Variants in CYP11A1 observed in about 807,000 individuals in gnomAD.
CYP11A1 encodes cholesterol side-chain cleavage enzyme, mitochondrial.
CYP11A1 carries 25 observed loss-of-function variants against 51.9 expected under a neutral mutation model. That is an observed-to-expected ratio of 0.48 (90% CI 0.35 to 0.67). CYP11A1 has a LOEUF of 0.67. Ranked by LOEUF, CYP11A1 falls within the 30% of genes least tolerant of loss-of-function variation. The pLI is 0.00. For missense variants in CYP11A1, 578 were observed against 680.9 expected, an observed-to-expected ratio of 0.85 and a Z score of 1.68; for synonymous variants, 245 against 262.1, an observed-to-expected ratio of 0.93 and a Z score of 0.63.
chr15:74,362,888 T>C (rs1045800368), intron 1 of CYP11A1: 2 of 152,204 alleles, frequency 1.3e-5, no homozygotes, highest in Non-Finnish European at 1.5e-5. Context: ...GAAACTTTAA[T>C]GGTAGATGTG....
At chr15:74,338,808 C>G in intron 7 of CYP11A1, 40 bp from the exon 8 acceptor site, 4 of 1,583,790 alleles carry the variant, frequency 2.5e-6, no homozygotes, top group Non-Finnish European at 8.7e-7. Flanking sequence ...AGCCCCACTT[C>G]CCCACAGCCC....
intron 1 of CYP11A1, chr15:74,366,119 C>G (rs2060731812): frequency 7.1e-6 from 7 of 985,468 alleles, no homozygotes; most frequent in Non-Finnish European, 7.2e-6. Context: ...AGCGCAGGAG[C>G]AGGCCGGGGG....
chr15:74,338,242 C>A, intron 8 of CYP11A1, 139 bp from the exon 9 acceptor site: 14 of 987,192 alleles, frequency 1.4e-5, no homozygotes, highest in Non-Finnish European at 1.9e-5. Context: ...CCTGGTGTAA[C>A]CCTGCACAGT....
At chr15:74,361,024 A>G (rs146226791) in intron 1 of CYP11A1, among the ~76,000 whole-genome samples, 6 of 152,342 alleles carry the variant, frequency 3.9e-5, no homozygotes, top group Admixed American at 2.6e-4. Context: ...GAAGGTTACA[A>G]AAGGTTTTTG....
rs2060627146 is a variant in CYP11A1 at position 74,345,160 on chromosome 15, A to G, written c.509T>C (p.Leu170Pro). The G allele has an allele frequency of 1.2e-6, 2 of 1,613,882 alleles. No individual in the cohort carries two copies. Among genetic ancestry groups the G allele is most frequent in the Admixed American group, 1.7e-5 (1 of 60,006 alleles). The change falls in exon 3 of 9, where the codon CTG becomes CCG. Residue 170 changes from leucine to proline, a missense_variant. Leu to Pro is a moderately conservative substitution (Grantham distance 98). Coordinates refer to ENST00000268053, the MANE Select transcript of CYP11A1 (RefSeq NM_000781.3). This position sits in a 1 kb window ranked among gnomAD's most constrained non-coding sequence, Gnocchi z 4.3. ...GAAGTCCCGAGACACTGCATCCAAC[A>G]GGGGCAAAAAGTTCTTGGTGGCCTC... ...APEATKNFLP[L>P]LDAVSRDFVS...
intron 1 of CYP11A1, among the ~76,000 whole-genome samples, chr15:74,365,186 T>G (rs2060726560): frequency 6.6e-6 from 1 of 150,718 alleles, no homozygotes; most frequent in Non-Finnish European, 1.5e-5. Context: ...GCCACCTCCG[T>G]TCCCTCTCAA....
Position 74,366,465 on chromosome 15 carries a change from TTTA to T in CYP11A1, c.269+849_269+851del, listed in dbSNP as rs1338458477. Among the ~76,000 whole-genome samples, 9 of 22,034 alleles carry T rather than the reference TTTA, an allele frequency of 4.1e-4. No individual in the cohort carries two copies. In the Admixed American group the frequency reaches 6.0e-3, roughly 15 times the overall value. 14.5% of individuals were successfully genotyped at this position (22,034 alleles called of 152,430 possible). A position where few individuals can be genotyped will look rare whatever the true frequency, so the allele number is the denominator to read the frequency against. On this transcript the variant is annotated intron_variant, in intron 1 of 8. Transcript: ENST00000268053. ...TGCCCGGCTAATTTTTTTTATTTTA[TTTA>T]TTTATTTATTTATTTATTTATTTAT...
intron 1 of CYP11A1, chr15:74,361,579 A>C (rs549586327): frequency 1.8e-5 from 17 of 929,722 alleles, no homozygotes; most frequent in African/African-American, 3.3e-5. Flanking sequence ...GTTCTTTGAC[A>C]TCGCAGTCAC....
At chr15:74,354,107 A>T (rs970743584) in intron 1 of CYP11A1, among the ~76,000 whole-genome samples, 2 of 152,194 alleles carry the variant, frequency 1.3e-5, no homozygotes, top group African/African-American at 4.8e-5. Flanking sequence ...GTTTGCATAC[A>T]GTCAAGCAGG....
At chr15:74,343,626 C>T (rs1268792897) in intron 4 of CYP11A1, among the ~76,000 whole-genome samples, 163 bp downstream of exon 4, 2 of 152,240 alleles carry the variant, frequency 1.3e-5, no homozygotes, top group East Asian at 1.9e-4. Context: ...GCCTTCCATC[C>T]GCCATTTCCA....
In CYP11A1 at chr15:74,337,799, A is replaced by T; in HGVS notation, c.*173T>A. 1.3e-6 allele frequency: 1 copy of T among 767,576 alleles called. No homozygotes were observed. The highest frequency in any genetic ancestry group is 2.1e-5 in the Admixed American group (1 of 48,124). 47.5% of individuals were successfully genotyped at this position (767,576 alleles called of 1,614,324 possible). ...GTTTATTGTCTCCATGGGGTGGGTG[A>T]AGAGGAGTGGCCCAGCTGAGCTGAG... On this transcript the variant is annotated 3_prime_UTR_variant, in exon 9 of 9. Coordinates refer to ENST00000268053, the MANE Select transcript of CYP11A1 (RefSeq NM_000781.3).
At chr15:74,339,428 G>GGGACCCGA in intron 6 of CYP11A1, 113 bp from the exon 7 acceptor site, 1 of 1,398,126 alleles carries the variant, frequency 7.2e-7, no homozygotes, top group Admixed American at 1.8e-5. Context: ...GGGGGGACCT[G>GGGACCCGA]GGGGTAGGGC....
At chr15:74,354,858 C>T (rs1331626393) in intron 1 of CYP11A1, among the ~76,000 whole-genome samples, 5 of 152,142 alleles carry the variant, frequency 3.3e-5, no homozygotes, top group Admixed American at 1.3e-4. Context: ...AAAACTCCAG[C>T]GCTGGTCACA....
chr15:74,357,406 C>T (rs2060685302), intron 1 of CYP11A1, among the ~76,000 whole-genome samples: 1 of 152,214 alleles, frequency 6.6e-6, no homozygotes. Flanking sequence ...CTGATCACGT[C>T]CAGCTAATCT....
At chr15:74,350,461 CT>C (rs2141238996) in intron 1 of CYP11A1, among the ~76,000 whole-genome samples, 1 of 152,336 alleles carries the variant, frequency 6.6e-6, no homozygotes, top group South Asian at 2.1e-4. Context: ...CTTCTTCTCA[CT>C]GGGCCTCAGT....
Position 74,342,871 on chromosome 15 carries a change from A to G in CYP11A1, c.990+106T>C. 3 of 1,148,982 alleles carry G rather than the reference A, an allele frequency of 2.6e-6. No homozygotes were observed. In the South Asian group the frequency reaches 3.7e-5, roughly 14 times the overall value. The allele number at this position is 1,148,982 out of a possible 1,614,324, so 71.2% of individuals were successfully genotyped here. On this transcript the variant is annotated intron_variant, in intron 5 of 8. Transcript: ENST00000268053. ...CAAGGAGGAAGACATATCCTACATG[A>G]GTAGGAACGCCTTGAACAACAGGGT...
chr15:74,348,801 C>T (rs1476697836), intron 1 of CYP11A1, among the ~76,000 whole-genome samples: 2 of 152,132 alleles, frequency 1.3e-5, no homozygotes, highest in East Asian at 1.9e-4. Context: ...GGTGTGATCA[C>T]GGCTCACTGC....
At chr15:74,346,800 C>CT (rs1046360822) in intron 2 of CYP11A1, among the ~76,000 whole-genome samples, 7,973 of 131,728 alleles carry the variant, frequency 0.061, 515 homozygotes, top group African/African-American at 0.15. Flanking sequence ...CTTTTCTTTT[C>CT]TTTTTTTTTT....
intron 5 of CYP11A1, 25 bp downstream of exon 5, chr15:74,342,952 G>A (rs1201925653): frequency 6.2e-7 from 1 of 1,611,194 alleles, no homozygotes; most frequent in African/African-American, 1.3e-5. Context: ...GGGGCAACAA[G>A]GTGCCGCCCC....
Sources: allele counts gnomAD v4.1 joint callset (sites outside exome capture counted in the v4.1 genomes callset), GRCh38; gene constraint gnomAD v4.1.1; non-coding constraint Gnocchi (gnomAD v3.1); transcripts MANE v1.5; gene names NCBI Gene and HGNC (gene_info 2026-07-23, HGNC 2026-07-21).